The following SORCS3 variants were observed in gnomAD, a reference collection of about 807,000 sequenced individuals.
The protein encoded by SORCS3 is VPS10 domain-containing receptor SorCS3.
Under a neutral mutation model 146.3 loss-of-function variants are expected in SORCS3, and 57 were observed. The ratio of observed to expected loss-of-function variants is 0.39; its 90% CI spans 0.31 to 0.49. The LOEUF (loss-of-function observed/expected upper bound fraction) is 0.49. Ranked by LOEUF, SORCS3 falls within the 20% of genes least tolerant of loss-of-function variation. The pLI, the probability that SORCS3 is intolerant of heterozygous loss-of-function variation, is 0.92. For missense variants in SORCS3, 1,341 were observed against 1,575.5 expected, an observed-to-expected ratio of 0.85 and a Z score of 2.52; for synonymous variants, 653 against 618.5, an observed-to-expected ratio of 1.06 and a Z score of -0.83.
chr10:105,062,765 ATTGT>A (rs756774509), intron 5 of SORCS3, among the ~76,000 whole-genome samples: 19 of 152,188 alleles, frequency 1.2e-4, no homozygotes, highest in Non-Finnish European at 1.5e-5. Context: ...CCCACCCTTG[ATTGT>A]TTGTCCAAGG....
intron 3 of SORCS3, among the ~76,000 whole-genome samples, chr10:104,972,617 G>T (rs2054867199): frequency 6.6e-6 from 1 of 151,912 alleles, no homozygotes; most frequent in Non-Finnish European, 1.5e-5. Context: ...TGGAGAATGG[G>T]ATGGGGGAGA....
At chr10:105,211,309 C>G (rs2056632529) in intron 17 of SORCS3, 59 bp downstream of exon 17, 1 of 1,181,788 alleles carries the variant, frequency 8.5e-7, no homozygotes, top group African/African-American at 1.5e-5. Flanking sequence ...TAAACTAGGA[C>G]CAAAGGAAAT....
At chr10:104,931,923 G>A (rs2133611393) in intron 3 of SORCS3, among the ~76,000 whole-genome samples, 1 of 152,260 alleles carries the variant, frequency 6.6e-6, no homozygotes, top group South Asian at 2.1e-4. Flanking sequence ...ATCATCCCAG[G>A]GGAGGCAGTG....
intron 4 of SORCS3, among the ~76,000 whole-genome samples, chr10:104,998,370 G>A (rs2055039672): frequency 6.6e-6 from 1 of 152,116 alleles, no homozygotes; most frequent in African/African-American, 2.4e-5. Context: ...GAATCAAGCA[G>A]GAGAAATTAT....
At chr10:105,026,906 A>G (rs1442593163) in intron 4 of SORCS3, among the ~76,000 whole-genome samples, 1 of 152,168 alleles carries the variant, frequency 6.6e-6, no homozygotes, top group East Asian at 1.9e-4. Flanking sequence ...GATGGCTTCA[A>G]TTGTACCCCA....
rs930090317 is a variant in SORCS3 at position 104,641,548 on chromosome 10, C to T, written c.221C>T (p.Ser74Leu). ...VASQWPEELA[S>L]ARRAAVLGRR... is the part of the protein sequence containing the mutation. ...AGCCAGTGGCCGGAGGAGCTGGCGT[C>T]GGCGCGGAGAGCCGCCGTGCTGGGG... is the stretch of plus-strand genomic sequence containing the variant. The change falls in exon 1 of 27, where the codon TCG becomes TTG. Residue 74 changes from serine (S) to leucine (L), a missense_variant. Ser to Leu is a moderately radical substitution (Grantham distance 145, BLOSUM62 -2). Transcript: ENST00000369701. The surrounding 1 kb of genome is among the most constrained non-coding windows in gnomAD (Gnocchi z 6.4). The T allele has an allele frequency of 6.8e-7, 1 of 1,472,060 alleles. No individual in the cohort carries two copies. The highest frequency in any genetic ancestry group is 8.9e-7 in the Non-Finnish European group (1 of 1,121,488). 91.2% of individuals were successfully genotyped at this position (1,472,060 alleles called of 1,614,324 possible). A position where few individuals can be genotyped will look rare whatever the true frequency, so the allele number is the denominator to read the frequency against.
chr10:105,068,200 C>T (rs1361903933), intron 5 of SORCS3, among the ~76,000 whole-genome samples: 1 of 152,186 alleles, frequency 6.6e-6, no homozygotes, highest in Admixed American at 6.5e-5. Context: ...CTCCTTTCCC[C>T]AACTTGGTTA....
In SORCS3 at chr10:104,672,465, C is replaced by A. The variant is rs183218509; in HGVS notation, c.627+30511C>A. ...CTCTAGTGTTTTTCTGTTCTCTGAT[C>A]GCTGTTCTGACCTTTATTTTTCCTG... is the stretch of plus-strand genomic sequence containing the variant. On this transcript the variant is annotated intron_variant, in intron 1 of 26. Coordinates refer to ENST00000369701, the MANE Select transcript of SORCS3 (RefSeq NM_014978.3). Among the ~76,000 whole-genome samples, 122 of 152,032 alleles carry A rather than the reference C, an allele frequency of 8.0e-4. 1 individual carries two copies. Among genetic ancestry groups the A allele is most frequent in the African/African-American group, 2.6e-3 (108 of 41,506 alleles).
At chr10:105,247,870 ATTTG>A (rs1366786093) in intron 22 of SORCS3, among the ~76,000 whole-genome samples, 2 of 152,202 alleles carry the variant, frequency 1.3e-5, no homozygotes, top group African/African-American at 2.4e-5. Context: ...TTTATTATGA[ATTTG>A]TTTGAGATAG....
intron 26 of SORCS3, among the ~76,000 whole-genome samples, chr10:105,263,109 G>A (rs1308091433): frequency 6.6e-6 from 1 of 152,206 alleles, no homozygotes; most frequent in Non-Finnish European, 1.5e-5. Context: ...TCCCACCTGT[G>A]GGCTAGTGTG....
At chr10:104,921,064 G>A (rs2019081681) in intron 3 of SORCS3, among the ~76,000 whole-genome samples, 1 of 152,214 alleles carries the variant, frequency 6.6e-6, no homozygotes, top group Non-Finnish European at 1.5e-5. Flanking sequence ...AGAGTGTATG[G>A]TTTGCCTCCC....
chr10:105,238,723 TA>T (rs2056806977), intron 20 of SORCS3, among the ~76,000 whole-genome samples: 1 of 152,226 alleles, frequency 6.6e-6, no homozygotes, highest in African/African-American at 2.4e-5. Context: ...AGTAATACTT[TA>T]GACAGATACT....
intron 1 of SORCS3, among the ~76,000 whole-genome samples, chr10:104,710,571 G>T (rs1404773442): frequency 1.3e-5 from 2 of 152,200 alleles, no homozygotes; most frequent in Non-Finnish European, 2.9e-5. Flanking sequence ...CTCTGGGGAG[G>T]TGATATTTGA....
intron 2 of SORCS3, among the ~76,000 whole-genome samples, chr10:104,913,592 A>C (rs1335913501): frequency 6.6e-6 from 1 of 152,170 alleles, no homozygotes; most frequent in Non-Finnish European, 1.5e-5. Flanking sequence ...CTGAGTGTGC[A>C]TAATGTGTAA....
chr10:104,691,108 A>G (rs2016106146), intron 1 of SORCS3, among the ~76,000 whole-genome samples: 1 of 152,166 alleles, frequency 6.6e-6, no homozygotes. Context: ...ACATGCAATA[A>G]AAGATGGGGA....
chr10:104,737,133 A>G (rs1187548790), intron 1 of SORCS3, among the ~76,000 whole-genome samples: 2 of 152,210 alleles, frequency 1.3e-5, no homozygotes. Flanking sequence ...GCTGCATAGT[A>G]TTCCATGGTG....
intron 2 of SORCS3, among the ~76,000 whole-genome samples, chr10:104,913,266 T>C (rs1309715069): frequency 6.6e-6 from 1 of 152,032 alleles, no homozygotes; most frequent in East Asian, 1.9e-4. Flanking sequence ...GAGCATCAAA[T>C]TGGGGGATCG....
intron 18 of SORCS3, among the ~76,000 whole-genome samples, chr10:105,215,179 G>A (rs532877016): frequency 6.6e-6 from 1 of 152,294 alleles, no homozygotes; most frequent in African/African-American, 2.4e-5. Flanking sequence ...AGTGTCTTCT[G>A]AAATCTGGGC....
intron 2 of SORCS3, among the ~76,000 whole-genome samples, chr10:104,910,296 A>T (rs1442497545): frequency 6.6e-6 from 1 of 152,238 alleles, no homozygotes; most frequent in African/African-American, 2.4e-5. Context: ...GTAAATAGCC[A>T]GTGAAGTAGA....
Sources: gnomAD v4.1 joint callset for allele counts (sites outside exome capture counted in the v4.1 genomes callset) on GRCh38, gnomAD v4.1.1 for gene constraint, Gnocchi (gnomAD v3.1) non-coding constraint, MANE v1.5 for transcripts, NCBI Gene and HGNC (gene_info 2026-07-23, HGNC 2026-07-21) for gene names.